Variants in PRKN observed in about 807,000 individuals in gnomAD.
PRKN encodes the protein E3 ubiquitin-protein ligase parkin.
A neutral mutation model predicts 59.5 loss-of-function variants in PRKN; 56 were observed. That is an observed-to-expected ratio of 0.94 (90% CI 0.76 to 1.18). The LOEUF is 1.18. PRKN is among the 50% of genes most tolerant of loss of function. The probability of loss-of-function intolerance (pLI) is 0.00; values close to 1 mark genes in which losing one functional copy is unlikely to be tolerated. For missense variants in PRKN, 657 were observed against 596.4 expected, an observed-to-expected ratio of 1.10 and a Z score of -1.06; for synonymous variants, 250 against 222.1, an observed-to-expected ratio of 1.13 and a Z score of -1.12.
intron 1 of PRKN, among the ~76,000 whole-genome samples, chr6:162,503,395 C>T (rs942013563): frequency 7.9e-5 from 12 of 151,958 alleles, no homozygotes; most frequent in African/African-American, 2.9e-4. Context: ...AACCCCCGAC[C>T]TCAGGAGATC....
intron 10 of PRKN, among the ~76,000 whole-genome samples, chr6:161,380,424 A>ATTTTT (rs1785917714): frequency 3.1e-5 from 4 of 130,024 alleles, no homozygotes; most frequent in Non-Finnish European, 5.0e-5. Context: ...GTCCAAGTCT[A>ATTTTT]TCTTTTTTTT....
At chr6:162,587,231 G>A (rs1781098896) in intron 1 of PRKN, among the ~76,000 whole-genome samples, 1 of 152,100 alleles carries the variant, frequency 6.6e-6, no homozygotes, top group African/African-American at 2.4e-5. Flanking sequence ...TGCCTCCTGG[G>A]TTCAGGCAAT....
At chr6:162,506,251 CAAAAAAA>C (rs10528135) in intron 1 of PRKN, among the ~76,000 whole-genome samples, 91 of 95,334 alleles carry the variant, frequency 9.5e-4, no homozygotes, top group Middle Eastern at 0.012. Context: ...AAAGAGGAAG[CAAAAAAA>C]AAAAAAAAAA....
chr6:162,272,624 C>G (rs1012111350), intron 2 of PRKN, among the ~76,000 whole-genome samples: 3 of 151,930 alleles, frequency 2.0e-5, no homozygotes, highest in African/African-American at 7.3e-5. Flanking sequence ...CCAATGGTTG[C>G]GATTAACACT....
At chr6:161,967,769 CAGG>C (rs1331240273) in intron 6 of PRKN, among the ~76,000 whole-genome samples, 1 of 152,124 alleles carries the variant, frequency 6.6e-6, no homozygotes, top group Non-Finnish European at 1.5e-5. Flanking sequence ...AAGAGGTTCT[CAGG>C]AGATTTAGCA....
At chr6:161,374,694 T>C (rs1785609856) in intron 10 of PRKN, among the ~76,000 whole-genome samples, 1 of 152,278 alleles carries the variant, frequency 6.6e-6, no homozygotes, top group African/African-American at 2.4e-5. Flanking sequence ...GTATGTGTGA[T>C]GTGTGCGTTA....
At chr6:162,065,395 AT>A (rs1778288546) in intron 4 of PRKN, among the ~76,000 whole-genome samples, 1 of 152,024 alleles carries the variant, frequency 6.6e-6, no homozygotes, top group Non-Finnish European at 1.5e-5. Flanking sequence ...GTTTATCCCA[AT>A]TTCTTTGGTT....
intron 2 of PRKN, among the ~76,000 whole-genome samples, chr6:162,360,931 T>C (rs1785107527): frequency 6.6e-6 from 1 of 152,162 alleles, no homozygotes; most frequent in Non-Finnish European, 1.5e-5. Flanking sequence ...TTGAATTAAA[T>C]TTTTGACAGC....
At chr6:161,750,071 A>C (rs938521224) in intron 7 of PRKN, among the ~76,000 whole-genome samples, 5 of 150,710 alleles carry the variant, frequency 3.3e-5, no homozygotes, top group African/African-American at 1.2e-4. Flanking sequence ...AATTCATAGG[A>C]TATTAATGGA....
At chr6:162,629,764 G>A (rs1783034630) in intron 1 of PRKN, among the ~76,000 whole-genome samples, 1 of 151,962 alleles carries the variant, frequency 6.6e-6, no homozygotes, top group Admixed American at 6.6e-5. Context: ...ATCTAATTTG[G>A]GACATGTGCT....
At chr6:161,605,163 T>A (rs2128144591) in intron 7 of PRKN, among the ~76,000 whole-genome samples, 1 of 152,342 alleles carries the variant, frequency 6.6e-6, no homozygotes, top group African/African-American at 2.4e-5. Context: ...GATGTAATTT[T>A]TCAAAGGATC....
intron 7 of PRKN, among the ~76,000 whole-genome samples, chr6:161,622,838 A>C (rs889470907): frequency 6.6e-6 from 1 of 152,218 alleles, no homozygotes; most frequent in African/African-American, 2.4e-5. Flanking sequence ...AAAACACTAA[A>C]TTCTCAGAAT....
chr6:161,411,276 T>C (rs1467786543), intron 9 of PRKN, among the ~76,000 whole-genome samples: 4 of 152,116 alleles, frequency 2.6e-5, no homozygotes, highest in Non-Finnish European at 5.9e-5. Context: ...GCTTTCCCCA[T>C]ACTGTCCTTG....
At chr6:162,400,111 G>A (rs1056405501) in intron 2 of PRKN, among the ~76,000 whole-genome samples, 2 of 151,986 alleles carry the variant, frequency 1.3e-5, no homozygotes, top group African/African-American at 2.4e-5. Flanking sequence ...GGAGGCTGAG[G>A]CAGGAGAATT....
chr6:162,649,161 G>A lies in PRKN; in HGVS notation c.7+78501C>T, dbSNP rs374635584. Among the ~76,000 whole-genome samples, 16 of 152,152 alleles carry A rather than the reference G, an allele frequency of 1.1e-4. No homozygotes were observed. In the South Asian group the frequency reaches 1.2e-3, roughly 12 times the overall value. The stretch of plus-strand genomic sequence containing the variant: ...TGACGGATACACATACTAAATCTCC[G>A]TCAATATAATAATCAACAAGTATTT... On this transcript the variant is annotated intron_variant, in intron 1 of 11. Transcript: ENST00000366898.
At chr6:162,244,414 T>C (rs1181826447) in intron 3 of PRKN, among the ~76,000 whole-genome samples, 1 of 152,044 alleles carries the variant, frequency 6.6e-6, no homozygotes, top group African/African-American at 2.4e-5. Context: ...CTAAGATAGT[T>C]TGGAAACCCA....
chr6:162,598,595 G>T (rs542024667), intron 1 of PRKN, among the ~76,000 whole-genome samples: 1 of 152,164 alleles, frequency 6.6e-6, no homozygotes, highest in African/African-American at 2.4e-5. Context: ...GCTCAAGCCT[G>T]TAAACCCAGA....
chr6:162,125,884 T>C (rs974904883), intron 4 of PRKN, among the ~76,000 whole-genome samples: 1 of 152,108 alleles, frequency 6.6e-6, no homozygotes, highest in African/African-American at 2.4e-5. Context: ...GGAGGGTGAA[T>C]TGCTGTATTT....
At chr6:161,721,485 A>T (rs1406380139) in intron 7 of PRKN, among the ~76,000 whole-genome samples, 1 of 152,226 alleles carries the variant, frequency 6.6e-6, no homozygotes, top group Admixed American at 6.5e-5. Context: ...TACATAGAGG[A>T]CACTAGAGCT....
Sources: allele counts gnomAD v4.1 joint callset (sites outside exome capture counted in the v4.1 genomes callset), GRCh38; gene constraint gnomAD v4.1.1; transcripts MANE v1.5; gene names NCBI Gene and HGNC (gene_info 2026-07-23, HGNC 2026-07-21).